RBBP6: variants seen among roughly 807,000 people sequenced by gnomAD.
The protein encoded by RBBP6 is E3 ubiquitin-protein ligase RBBP6.
RBBP6 carries 25 observed loss-of-function variants against 167.7 expected under a neutral mutation model. That is an observed-to-expected ratio of 0.15 (90% CI 0.11 to 0.21). The LOEUF (loss-of-function observed/expected upper bound fraction) is 0.21, where lower values mean the gene tolerates loss of function less well. Ranked by LOEUF, RBBP6 falls within the 10% of genes least tolerant of loss-of-function variation. The pLI, the probability that RBBP6 is intolerant of heterozygous loss-of-function variation, is 1.00. For synonymous variants in RBBP6, 789 were observed against 735.8 expected (o/e 1.07, Z -1.17); for missense variants, 1,868 against 2,134.2 (o/e 0.88, Z 2.46).
At chr16:24,568,710 C>A (rs760280494) in intron 16 of RBBP6, 35 bp from the exon 17 acceptor site, 2 of 1,565,814 alleles carry the variant, frequency 1.3e-6, no homozygotes, top group Non-Finnish European at 1.7e-6. Flanking sequence ...GTATGTATTT[C>A]TCAACTATCA....
intron 1 of RBBP6, among the ~76,000 whole-genome samples, chr16:24,543,953 T>TTCAAAGG (rs1368210038): frequency 7.9e-5 from 12 of 152,320 alleles, no homozygotes; most frequent in African/African-American, 2.9e-4. Flanking sequence ...GCCAACAGAC[T>TTCAAAGG]ACTTGTTAAG....
intron 2 of RBBP6, among the ~76,000 whole-genome samples, chr16:24,548,317 G>GTTTTTTTTTTT (rs67923848): frequency 7.0e-6 from 1 of 143,654 alleles, no homozygotes; most frequent in Non-Finnish European, 1.5e-5. Context: ...TTTTTGTTCA[G>GTTTTTTTTTTT]TTTTTTTTTT....
rs199993645 is a variant in RBBP6, at chr16:24,540,802, G to T, written c.166+10G>T. On this transcript the variant is annotated intron_variant, in intron 1 of 17. Coordinates refer to ENST00000319715, the MANE Select transcript of RBBP6 (RefSeq NM_006910.5). ...GCGCAGACGAAAGAAGGTAAGGGCC[G>T]CTTGGTCTTAAGATATTTGGTGGCT... is the stretch of plus-strand genomic sequence containing the variant. The T allele has an allele frequency of 2.8e-5, 45 of 1,608,640 alleles. No homozygotes were observed. The highest frequency in any genetic ancestry group is 1.5e-4 in the Admixed American group (9 of 58,846).
chr16:24,556,473 T>C, intron 7 of RBBP6, 26 bp downstream of exon 7: 2 of 1,599,856 alleles, frequency 1.3e-6, no homozygotes, highest in Non-Finnish European at 8.5e-7. Flanking sequence ...AGGTATGACC[T>C]GTGGAGACTC....
rs933107246 is a variant in RBBP6, at chr16:24,541,205, C to CAAAAAAAAAA, written c.166+420_166+421insAAAAAAAAAA. 2.7e-3 allele frequency among the ~76,000 whole-genome samples: 211 copies of CAAAAAAAAAA among 79,222 alleles called. 20 individuals carry two copies. Among genetic ancestry groups the CAAAAAAAAAA allele is most frequent in the Non-Finnish European group, 3.7e-3 (152 of 40,760 alleles). 52.0% of individuals were successfully genotyped at this position (79,222 alleles called of 152,430 possible). A position where few individuals can be genotyped will look rare whatever the true frequency, so the allele number is the denominator to read the frequency against. On this transcript the variant is annotated intron_variant, in intron 1 of 17. Transcript: ENST00000319715. ...GCAAAAAAAAAAACAAAAAAAAAAC[C>CAAAAAAAAAA]AAAAAAACAATTTTCTAACCTAACA...
intron 16 of RBBP6, 124 bp from the exon 17 acceptor site, chr16:24,568,621 T>G (rs969066248): frequency 6.7e-6 from 9 of 1,352,756 alleles, no homozygotes; most frequent in Non-Finnish European, 8.8e-6. Context: ...TCTTTAATCA[T>G]CTAAGATGAA....
chr16:24,544,749 G>C (rs965090209), intron 1 of RBBP6, among the ~76,000 whole-genome samples: 1 of 152,066 alleles, frequency 6.6e-6, no homozygotes. Context: ...TCTTATACAA[G>C]TATTGCAAAT....
chr16:24,541,120 T>G lies in RBBP6; in HGVS notation c.166+328T>G, dbSNP rs552687874. Among the ~76,000 whole-genome samples, 8 of 150,302 alleles carry G rather than the reference T, an allele frequency of 5.3e-5. No individual in the cohort carries two copies. The East Asian group carries it at 1.6e-3, about 29-fold the overall frequency. ...TTTGAGTGCTTGTCTTAGGGCGTTTTCTAACTTATTTTCCATCAGGAGGGC... is the reference window on the plus strand; with the variant it reads ...TTTGAGTGCTTGTCTTAGGGCGTTTGCTAACTTATTTTCCATCAGGAGGGC... On this transcript the variant is annotated intron_variant, in intron 1 of 17. Coordinates refer to ENST00000319715, the MANE Select transcript of RBBP6 (RefSeq NM_006910.5).
At chr16:24,558,469 T>A (rs1212785781) in intron 7 of RBBP6, 1 of 985,450 alleles carries the variant, frequency 1.0e-6, no homozygotes, top group Admixed American at 6.2e-5. Context: ...ATAAGCAAAT[T>A]GATACTTATT....
intron 2 of RBBP6, among the ~76,000 whole-genome samples, chr16:24,547,672 T>C (rs924058199): frequency 6.6e-6 from 1 of 152,124 alleles, no homozygotes; most frequent in Non-Finnish European, 1.5e-5. Context: ...GCCCGGCTGG[T>C]TTCAAACTCC....
At chr16:24,556,529 T>C in intron 7 of RBBP6, 82 bp downstream of exon 7, 3 of 1,421,362 alleles carry the variant, frequency 2.1e-6, no homozygotes. Flanking sequence ...CTTGTAACTT[T>C]GCTACTTGGA....
At chr16:24,553,674 C>A in intron 4 of RBBP6, 117 bp downstream of exon 4, 1 of 642,784 alleles carries the variant, frequency 1.6e-6, no homozygotes, top group East Asian at 3.0e-5. Context: ...AAGCATTGTA[C>A]ATATTATTAC....
intron 8 of RBBP6, among the ~76,000 whole-genome samples, chr16:24,561,306 G>A (rs1899049147): frequency 6.6e-6 from 1 of 151,436 alleles, no homozygotes; most frequent in Admixed American, 6.6e-5. Flanking sequence ...CCCCAGGCTA[G>A]CCTTGAACTT....
intron 1 of RBBP6, among the ~76,000 whole-genome samples, chr16:24,541,633 C>G (rs1567269095): frequency 1.3e-5 from 2 of 152,194 alleles, no homozygotes; most frequent in Non-Finnish European, 2.9e-5. Flanking sequence ...TAGATTCTTT[C>G]TCCTTTTCAA....
intron 3 of RBBP6, 109 bp from the exon 4 acceptor site, chr16:24,553,402 ACT>A: frequency 1.2e-6 from 1 of 808,586 alleles, no homozygotes; most frequent in Non-Finnish European, 2.0e-6. Flanking sequence ...TCTTTAGAAA[ACT>A]AAGAAAATGC....
chr16:24,546,365 T>C (rs1898650617), intron 2 of RBBP6, 103 bp downstream of exon 2: 1 of 1,253,040 alleles, frequency 8.0e-7, no homozygotes, highest in Non-Finnish European at 1.0e-6. Context: ...TACTTTAACC[T>C]TAATGAATAC....
rs1036717793 is a variant in RBBP6, at chr16:24,555,990, T to C, written c.534+73T>C. The C allele has an allele frequency of 3.7e-6, 5 of 1,353,896 alleles. No homozygotes were observed. The Admixed American group carries it at 5.5e-5, about 15-fold the overall frequency. 83.9% of individuals were successfully genotyped at this position (1,353,896 alleles called of 1,614,324 possible). ...GAATTGTTCCTTAGCTATCTTATTT[T>C]TCTTGGTTAATACTGCCTTCTGTAG... On this transcript the variant is annotated intron_variant, in intron 6 of 17. Coordinates refer to ENST00000319715, the MANE Select transcript of RBBP6 (RefSeq NM_006910.5).
At chr16:24,566,058 C>G (rs1306267879) in intron 14 of RBBP6, among the ~76,000 whole-genome samples, 3 of 152,164 alleles carry the variant, frequency 2.0e-5, no homozygotes, top group South Asian at 4.1e-4. Flanking sequence ...GAGTGAGACC[C>G]TGTCTCCAAA....
chr16:24,571,653 C>T lies in RBBP6; in HGVS notation c.4587C>T (p.Ser1529=), dbSNP rs1390479390. ...TGCCTAAAAAAGGAACAGGAGATTC[C>T]AAAAAAAGTAATTCTAGTCCCTCAA... is the stretch of plus-strand genomic sequence containing the variant. The part of the protein sequence containing the change: ...RDLPKKGTGD[S]KKSNSSPSRD... The change falls in exon 18 of 18, where the codon TCC becomes TCT. Residue 1529 remains serine, a synonymous_variant. Transcript: ENST00000319715. The T allele has an allele frequency of 6.2e-7, 1 of 1,612,744 alleles. No individual in the cohort carries two copies. The highest frequency in any genetic ancestry group is 8.5e-7 in the Non-Finnish European group (1 of 1,179,682).
Sources: allele counts gnomAD v4.1 joint callset (sites outside exome capture counted in the v4.1 genomes callset), GRCh38; gene constraint gnomAD v4.1.1; transcripts MANE v1.5; gene names NCBI Gene and HGNC (gene_info 2026-07-23, HGNC 2026-07-21).